IRGM: variants seen among roughly 807,000 people sequenced by gnomAD.
IRGM encodes immunity-related GTPase family M protein.
For synonymous variants in IRGM, 98 were observed against 80.6 expected, an observed-to-expected ratio of 1.22 and a Z score of -1.16; for missense variants, 288 against 219.9, an observed-to-expected ratio of 1.31 and a Z score of -1.96.
intron 1 of IRGM, among the ~76,000 whole-genome samples, chr5:150,857,776 G>T (rs1037862299): frequency 2.0e-5 from 3 of 152,160 alleles, no homozygotes; most frequent in Admixed American, 6.5e-5. Flanking sequence ...TGATGGGGTT[G>T]TTTGTTTTTT....
chr5:150,883,733 T>A (rs1464584014), intron 3 of IRGM, among the ~76,000 whole-genome samples: 1 of 151,820 alleles, frequency 6.6e-6, no homozygotes, highest in Non-Finnish European at 1.5e-5. Context: ...AGTAAGGTGA[T>A]GAAAGTAGTA....
Position 150,876,719 on chromosome 5 carries a change from G to T in IRGM, c.159-1261G>T, listed in dbSNP as rs187320451. Among the ~76,000 whole-genome samples, 527 of 152,288 alleles carry T rather than the reference G, an allele frequency of 3.5e-3. 4 individuals carry two copies. Among genetic ancestry groups the T allele is most frequent in the African/African-American group, 0.012 (500 of 41,574 alleles). On this transcript the variant is annotated intron_variant and NMD_transcript_variant, in intron 1 of 3. Coordinates refer to the IRGM transcript ENST00000520549. The stretch of plus-strand genomic sequence containing the variant: ...GGTTCCAGACCCCTCAGGAATGAAG[G>T]TTTGGGTCACTCCACCAGGTAAAAA...
At chr5:150,893,475 T>A (rs1347009993) in intron 3 of IRGM, among the ~76,000 whole-genome samples, 2 of 152,172 alleles carry the variant, frequency 1.3e-5, no homozygotes, top group African/African-American at 4.8e-5. Context: ...GGTGTTGATA[T>A]AAGGTTCATT....
At chr5:150,895,875 T>A (rs748426240) in intron 3 of IRGM, 2 of 1,613,696 alleles carry the variant, frequency 1.2e-6, no homozygotes, top group Admixed American at 1.7e-5. Context: ...AACTAACTGA[T>A]GTGTAATGAG....
At chr5:150,853,988 TTC>T (rs534891123) in intron 1 of IRGM, among the ~76,000 whole-genome samples, 131 of 152,250 alleles carry the variant, frequency 8.6e-4, no homozygotes, top group African/African-American at 2.9e-3. Context: ...ATAGCTTTTT[TTC>T]TCTCATTTCC....
At chr5:150,860,750 C>T (rs1754124174) in intron 1 of IRGM, among the ~76,000 whole-genome samples, 1 of 152,200 alleles carries the variant, frequency 6.6e-6, no homozygotes, top group Non-Finnish European at 1.5e-5. Context: ...CTTAGTGCCT[C>T]TGCATCACAC....
downstream of IRGM, among the ~76,000 whole-genome samples, chr5:150,852,829 A>C (rs1753995493): frequency 6.6e-6 from 1 of 152,078 alleles, no homozygotes; most frequent in Non-Finnish European, 1.5e-5. Context: ...CTATAATAAT[A>C]TCTCATTTCC....
At chr5:150,854,985 C>CT (rs1391527027) in intron 1 of IRGM, among the ~76,000 whole-genome samples, 1 of 152,066 alleles carries the variant, frequency 6.6e-6, no homozygotes, top group South Asian at 2.1e-4. Flanking sequence ...CTTGGTTGCT[C>CT]TTTTTTTCTG....
At chr5:150,849,608 T>C (rs145688521), downstream of IRGM, among the ~76,000 whole-genome samples, 6,348 of 145,320 alleles carry the variant, frequency 0.044, 171 homozygotes, top group East Asian at 0.17. Context: ...TTTCTCTCTT[T>C]TTTTTTTTTT....
intron 3 of IRGM, chr5:150,898,589 T>C: frequency 6.5e-7 from 1 of 1,545,638 alleles, no homozygotes. Context: ...TCTGAAATGA[T>C]CATTCTCATA....
intron 1 of IRGM, among the ~76,000 whole-genome samples, chr5:150,876,791 T>C (rs933740078): frequency 1.3e-5 from 2 of 152,176 alleles, no homozygotes; most frequent in Non-Finnish European, 1.5e-5. Context: ...GAATACAGAA[T>C]GGGTAGTAGA....
chr5:150,860,708 A>G (rs910117874), intron 1 of IRGM, among the ~76,000 whole-genome samples: 4 of 152,012 alleles, frequency 2.6e-5, no homozygotes, highest in Admixed American at 2.6e-4. Flanking sequence ...TGCCACCACT[A>G]TTGCTTCTGC....
chr5:150,849,672 C>T (rs1753945390), downstream of IRGM, among the ~76,000 whole-genome samples: 1 of 145,668 alleles, frequency 6.9e-6, no homozygotes, highest in East Asian at 2.0e-4. Context: ...AGTGGTGCAA[C>T]CTCAGCTCAC....
In IRGM at chr5:150,868,765, T is replaced by G. The variant is rs191650203; in HGVS notation, c.159-9215T>G. 7.6e-3 allele frequency among the ~76,000 whole-genome samples: 1,156 copies of G among 152,282 alleles called. 8 individuals carry two copies. Among genetic ancestry groups the G allele is most frequent in the Admixed American group, 0.011 (169 of 15,298 alleles). ...AGCTATTATAAAAGCAGTTACATTC[T>G]TGATTTGATTATCAGCTTGGTCACT... On this transcript the variant is annotated intron_variant and NMD_transcript_variant, in intron 1 of 3. Coordinates refer to the IRGM transcript ENST00000520549.
intron 1 of IRGM, among the ~76,000 whole-genome samples, chr5:150,854,382 T>C (rs1159200629): frequency 6.6e-6 from 1 of 152,138 alleles, no homozygotes; most frequent in East Asian, 1.9e-4. Context: ...ATAATGTCCA[T>C]GTATTTGCCT....
chr5:150,896,753 A>T (rs780840404), intron 3 of IRGM: 56 of 1,613,738 alleles, frequency 3.5e-5, no homozygotes, highest in Non-Finnish European at 4.2e-5. Context: ...GATTATATTT[A>T]TGCCCTGATG....
chr5:150,851,378 T>G (rs1030991330), downstream of IRGM, among the ~76,000 whole-genome samples: 4 of 152,172 alleles, frequency 2.6e-5, no homozygotes, highest in African/African-American at 9.7e-5. Context: ...CCCAAGTGCA[T>G]CAAATGTTCG....
intron 3 of IRGM, chr5:150,897,732 AAACAGT>A (rs1754845030): frequency 3.4e-6 from 1 of 297,338 alleles, no homozygotes; most frequent in Non-Finnish European, 6.2e-6. Flanking sequence ...TGAACTTCTA[AAACAGT>A]AACTGTATTT....
intron 1 of IRGM, among the ~76,000 whole-genome samples, chr5:150,870,730 T>A (rs1246916602): frequency 6.6e-6 from 1 of 152,146 alleles, no homozygotes; most frequent in South Asian, 2.1e-4. Flanking sequence ...TTGTCTTGGC[T>A]AAAGTTAAAA....
Sources: allele counts gnomAD v4.1 joint callset (sites outside exome capture counted in the v4.1 genomes callset), GRCh38; gene constraint gnomAD v4.1.1; transcripts MANE v1.5; gene names NCBI Gene and HGNC (gene_info 2026-07-23, HGNC 2026-07-21).